MOGS: variants seen among roughly 807,000 people sequenced by gnomAD.
MOGS encodes mannosyl-oligosaccharide glucosidase, also known as epididymis secretory sperm binding protein.
Under a neutral mutation model 68.5 loss-of-function variants are expected in MOGS, and 45 were observed. That is an observed-to-expected ratio of 0.66 (90% CI 0.52 to 0.84). The LOEUF is 0.84. MOGS is among the 40% of genes least tolerant of loss of function. The pLI is 0.00. For missense variants in MOGS, 1,020 were observed against 1,095.0 expected (o/e 0.93, Z 0.97); for synonymous variants, 492 against 461.2 (o/e 1.07, Z -0.86).
In MOGS at chr2:74,463,537, G is replaced by A. The variant is rs946017712; in HGVS notation, c.580-151C>T. ...CTGGCAGTAATGAGGGTCACTGAGG[G>A]TAACCAGGTACACCCAAGCGGGATG... On this transcript the variant is annotated intron_variant, in intron 2 of 3. Transcript: ENST00000448666. 16 of 789,568 alleles carry A rather than the reference G, an allele frequency of 2.0e-5. No individual in the cohort carries two copies. In the East Asian group the frequency reaches 3.8e-4, roughly 19 times the overall value. 48.9% of individuals were successfully genotyped at this position (789,568 alleles called of 1,614,324 possible). A position where few individuals can be genotyped will look rare whatever the true frequency, so the allele number is the denominator to read the frequency against.
chr2:74,462,733 C>T lies in MOGS; in HGVS notation c.1056G>A (p.Leu352=). Residue 352 remains leucine, a synonymous_variant, in exon 4 of 4, where the codon CTG becomes CTA. Coordinates refer to ENST00000448666, the MANE Select transcript of MOGS (RefSeq NM_006302.3). The part of the protein sequence containing the change: ...QAGGNQALPR[L]AGSLLTQALE... ...GGGCCTGGGTCAGTAGACTGCCTGCCAGTCTTGGCAGGGCTTGATTTCCTC... is the reference window on the plus strand; with the variant it reads ...GGGCCTGGGTCAGTAGACTGCCTGCTAGTCTTGGCAGGGCTTGATTTCCTC... The T allele has an allele frequency of 6.2e-7, 1 of 1,614,262 alleles. No individual in the cohort carries two copies. Among genetic ancestry groups the T allele is most frequent in the South Asian group, 1.1e-5 (1 of 91,092 alleles).
chr2:74,462,781 A>C lies in MOGS; in HGVS notation c.1008T>G (p.Phe336Leu). Residue 336 changes from phenylalanine to leucine, a missense_variant, in exon 4 of 4, where the codon TTT (phenylalanine) becomes TTG (leucine). Transcript: ENST00000448666. ...LKIPISIEFV[F>L]ESGSAQAGGN... ...CTCCTGCCTGGGCACTGCCTGATTC[A>C]AACACAAACTCTATGGAAATGGGAA... 6.2e-7 allele frequency: 1 copy of C among 1,614,232 alleles called. No homozygotes were observed. Among genetic ancestry groups the C allele is most frequent in the Non-Finnish European group, 8.5e-7 (1 of 1,180,046 alleles).
rs773890616 is a variant in MOGS at position 74,463,174 on chromosome 2, C to G, written c.776+16G>C. 6.2e-7 allele frequency: 1 copy of G among 1,613,846 alleles called. No homozygotes were observed. The highest frequency in any genetic ancestry group is 8.5e-7 in the Non-Finnish European group (1 of 1,179,956). On this transcript the variant is annotated intron_variant, in intron 3 of 3. Coordinates refer to ENST00000448666, the MANE Select transcript of MOGS (RefSeq NM_006302.3). ...ACCACCCCTTCCATCCCCCAACATTCTTTTCCCCCAGTTACCTGCCATACT... is the reference window on the plus strand; with the variant it reads ...ACCACCCCTTCCATCCCCCAACATTGTTTTCCCCCAGTTACCTGCCATACT...
intron 2 of MOGS, 31 bp from the exon 3 acceptor site, chr2:74,463,417 G>A (rs1671985580): frequency 6.2e-7 from 1 of 1,602,148 alleles, no homozygotes; most frequent in Non-Finnish European, 8.6e-7. Context: ...GAAAAGAACA[G>A]TGTTAGATTG....
In MOGS at chr2:74,465,087, G is replaced by A. The variant is rs754958824; in HGVS notation, c.161C>T (p.Ala54Val). ...CACCCAGCGCCCCGACATACCCAGG[G>A]CCAAAGACAGGACCACGACGGCCAG... Reference protein sequence around the residue: ...VALAVVVLSLALGMSGRWVLA... With the variant: ...VALAVVVLSLVLGMSGRWVLA... Residue 54 changes from alanine to valine, a missense_variant, in exon 1 of 4, where the codon GCC becomes GTC. Ala to Val is a moderately conservative substitution (Grantham distance 64). Transcript: ENST00000448666. 4.5e-6 allele frequency: 7 copies of A among 1,554,504 alleles called. No individual in the cohort carries two copies. In the South Asian group the frequency reaches 8.2e-5, roughly 18 times the overall value.
At position 74,461,123 on chromosome 2, in the gene MOGS, G is replaced by A. The variant is rs1183379785; in HGVS notation, c.*152C>T. 2.4e-6 allele frequency: 2 copies of A among 828,600 alleles called. No individual in the cohort carries two copies. Among genetic ancestry groups the A allele is most frequent in the Non-Finnish European group, 4.0e-6 (2 of 505,506 alleles). 51.3% of individuals were successfully genotyped at this position (828,600 alleles called of 1,614,324 possible). ...ACTCTGGATTCACATTCACCCCAGG[G>A]CTATGTGGGATGACAGCAAGGAGAC... On this transcript the variant is annotated 3_prime_UTR_variant, in exon 4 of 4. Coordinates refer to ENST00000448666, the MANE Select transcript of MOGS (RefSeq NM_006302.3).
rs750801906 is a variant in MOGS at position 74,465,177 on chromosome 2, C to G, written c.71G>C (p.Arg24Pro). 3.3e-6 allele frequency: 5 copies of G among 1,532,308 alleles called. No individual in the cohort carries two copies. Among genetic ancestry groups the G allele is most frequent in the Middle Eastern group, 3.5e-4 (2 of 5,642 alleles). The allele number at this position is 1,532,308 out of a possible 1,614,324, so 94.9% of individuals were successfully genotyped here. A position where few individuals can be genotyped will look rare whatever the true frequency, so the allele number is the denominator to read the frequency against. The change falls in exon 1 of 4, where the codon CGG becomes CCG. Residue 24 changes from arginine (R) to proline (P), a missense_variant. Arg to Pro is a moderately radical substitution (Grantham distance 103). Coordinates refer to ENST00000448666, the MANE Select transcript of MOGS (RefSeq NM_006302.3). ...GCCGTCCCGTCGCCCGGGGCCTCCC[C>G]GAGCCGCCCTCTCGGCTGTCCGCAC... ...EGVRTAERAA[R>P]GGPGRRDGRG...
chr2:74,462,635 G>C lies in MOGS; in HGVS notation c.1154C>G (p.Ser385Cys), dbSNP rs768150295. The C allele has an allele frequency of 2.5e-6, 4 of 1,614,216 alleles. No homozygotes were observed. Among genetic ancestry groups the C allele is most frequent in the Admixed American group, 1.7e-5 (1 of 60,032 alleles). The change falls in exon 4 of 4, where the codon TCT becomes TGT. Residue 385 changes from serine to cysteine, a missense_variant. Transcript: ENST00000448666. ...TFQLKEKGLS[S>C]GEQVLGQAAL... ...AGCCTGACCCAAAACCTGCTCGCCA[G>C]AGCTCAGGCCCTTCTCCTTCAGCTG...
chr2:74,463,763 A>T (rs1671995521), intron 2 of MOGS: 1 of 197,044 alleles, frequency 5.1e-6, no homozygotes, highest in African/African-American at 2.6e-5. Flanking sequence ...TCCCAGGTTC[A>T]CGCCATTCTC....
chr2:74,461,234 A>T lies in MOGS; in HGVS notation c.*41T>A. ...CAGAAGCCTTTGTCCCTTCAGAGCC[A>T]GAGTGGCATGAGTGTCTTGGCTCCC... On this transcript the variant is annotated 3_prime_UTR_variant, in exon 4 of 4. Coordinates refer to ENST00000448666, the MANE Select transcript of MOGS (RefSeq NM_006302.3). The T allele has an allele frequency of 6.2e-7, 1 of 1,611,920 alleles. No individual in the cohort carries two copies.
chr2:74,463,628 T>A, intron 2 of MOGS: 1 of 482,830 alleles, frequency 2.1e-6, no homozygotes, highest in Non-Finnish European at 3.8e-6. Context: ...TGTCCTACAC[T>A]AAGAACTCTA....
intron 2 of MOGS, among the ~76,000 whole-genome samples, chr2:74,464,043 T>C (rs1672002074): frequency 6.7e-6 from 1 of 149,592 alleles, no homozygotes; most frequent in Admixed American, 6.7e-5. Flanking sequence ...CAGCGCAACC[T>C]CCACCTCCCT....
Position 74,461,756 on chromosome 2 carries a change from C to T in MOGS, c.2033G>A (p.Arg678Gln), listed in dbSNP as rs776932912. 17 of 1,614,194 alleles carry T rather than the reference C, an allele frequency of 1.1e-5. No individual in the cohort carries two copies. Among genetic ancestry groups the T allele is most frequent in the South Asian group, 3.3e-5 (3 of 91,082 alleles). Residue 678 changes from arginine to glutamine, a missense_variant, in exon 4 of 4, where the codon CGG becomes CAG. By Grantham distance (43) the Arg-to-Gln change is conservative. Transcript: ENST00000448666. ...PPQGLVRVVG[R>Q]PQPQLQYVDA... ...TACATACTGCAGTTGAGGTTGGGGCCGACCCACCACCCGAACGAGCCCCTG... is the reference window on the plus strand; with the variant it reads ...TACATACTGCAGTTGAGGTTGGGGCTGACCCACCACCCGAACGAGCCCCTG...
chr2:74,464,778 T>G (rs923645524), intron 1 of MOGS, 56 bp from the exon 2 acceptor site: 1 of 1,574,198 alleles, frequency 6.4e-7, no homozygotes, highest in African/African-American at 1.3e-5. Context: ...CCTCCGGGTC[T>G]CCGGGTCATC....
At position 74,461,131 on chromosome 2, in the gene MOGS, G is replaced by T; in HGVS notation, c.*144C>A. 2 of 889,536 alleles carry T rather than the reference G, an allele frequency of 2.2e-6. No homozygotes were observed. Among genetic ancestry groups the T allele is most frequent in the Non-Finnish European group, 3.6e-6 (2 of 558,986 alleles). The allele number at this position is 889,536 out of a possible 1,614,324, so 55.1% of individuals were successfully genotyped here. On this transcript the variant is annotated 3_prime_UTR_variant, in exon 4 of 4. Coordinates refer to ENST00000448666, the MANE Select transcript of MOGS (RefSeq NM_006302.3). ...TTCACATTCACCCCAGGGCTATGTG[G>T]GATGACAGCAAGGAGACACCTGAGA...
chr2:74,462,792 C>T lies in MOGS; in HGVS notation c.997G>A (p.Glu333Lys). 3.7e-6 allele frequency: 6 copies of T among 1,614,248 alleles called. No homozygotes were observed. The highest frequency in any genetic ancestry group is 5.1e-6 in the Non-Finnish European group (6 of 1,180,046). ...GCACTGCCTGATTCAAACACAAACT[C>T]TATGGAAATGGGAATTTTCAGGGTC... ...QVTLKIPISI[E>K]FVFESGSAQA... Residue 333 changes from glutamate (E) to lysine (K), a missense_variant, in exon 4 of 4, where the codon GAG becomes AAG. Glu to Lys is a moderately conservative substitution (Grantham distance 56). This residue lies in a region of MOGS where 569 missense variants were observed against 571.9 expected (regional missense o/e 0.99). Transcript: ENST00000448666.
chr2:74,462,394 G>C lies in MOGS; in HGVS notation c.1395C>G (p.Ser465=), dbSNP rs767620981. The C allele has an allele frequency of 1.2e-5, 20 of 1,613,936 alleles. No homozygotes were observed. The highest frequency in any genetic ancestry group is 1.6e-5 in the Non-Finnish European group (19 of 1,180,004). Residue 465 remains serine, a synonymous_variant, in exon 4 of 4, where the codon TCC becomes TCG. Coordinates refer to ENST00000448666, the MANE Select transcript of MOGS (RefSeq NM_006302.3). ...AGTGGCCAAGGGCTTCCCGGGTGAG[G>C]GAGGGATCCCACCGCTGAACCACCA... ...HQLVVQRWDP[S]LTREALGHWL...
chr2:74,461,633 C>A lies in MOGS; in HGVS notation c.2156G>T (p.Ser719Ile). 1 of 1,614,066 alleles carries A rather than the reference C, an allele frequency of 6.2e-7. No homozygotes were observed. Among genetic ancestry groups the A allele is most frequent in the Non-Finnish European group, 8.5e-7 (1 of 1,179,954 alleles). Reference sequence around the variant, plus strand: ...ACCAAAGGGGCTCCAGAGATGGCGGCTGTCGGCTAGAATGTCCAGCAGGGG... The same window carrying A: ...ACCAAAGGGGCTCCAGAGATGGCGGATGTCGGCTAGAATGTCCAGCAGGGG... ...LGPLLDILAD[S>I]RHLWSPFGLR... Residue 719 changes from serine (S) to isoleucine (I), a missense_variant, in exon 4 of 4, where the codon AGC becomes ATC. By Grantham distance (142) the Ser-to-Ile change is moderately radical (BLOSUM62 -2). Coordinates refer to ENST00000448666, the MANE Select transcript of MOGS (RefSeq NM_006302.3).
rs2103984376 is a variant in MOGS, at chr2:74,464,622, G to A, written c.453C>T (p.His151=). The stretch of plus-strand genomic sequence containing the variant: ...GTTGGCGCCCGAAGGAGAGGCCGTC[G>A]TGGAACTCCCAGCCATAGGGACCCA... ...DGVGPYGWEF[H]DGLSFGRQHI... is the part of the protein sequence containing the mutation. Residue 151 remains histidine (H), a synonymous_variant, in exon 2 of 4, where the codon CAC becomes CAT. Coordinates refer to ENST00000448666, the MANE Select transcript of MOGS (RefSeq NM_006302.3). 1 of 1,614,016 alleles carries A rather than the reference G, an allele frequency of 6.2e-7. No individual in the cohort carries two copies. Among genetic ancestry groups the A allele is most frequent in the East Asian group, 2.2e-5 (1 of 44,878 alleles).
Sources: allele counts gnomAD v4.1 joint callset (sites outside exome capture counted in the v4.1 genomes callset), GRCh38; gene constraint gnomAD v4.1.1; regional missense constraint gnomAD v4.1.1; transcripts MANE v1.5; gene names NCBI Gene and HGNC (gene_info 2026-07-23, HGNC 2026-07-21).